Variants in CDC16 observed in about 807,000 individuals in gnomAD.
CDC16 encodes the protein cell division cycle protein 16 homolog.
Under a neutral mutation model 87.0 loss-of-function variants are expected in CDC16, and 34 were observed. The observed-to-expected ratio is 0.39, with a 90% CI of 0.30 to 0.52. CDC16 has a LOEUF of 0.52. Ranked by LOEUF, CDC16 falls within the 20% of genes least tolerant of loss-of-function variation. The probability of loss-of-function intolerance (pLI) is 0.74; values close to 1 mark genes in which losing one functional copy is unlikely to be tolerated. For synonymous variants in CDC16, 263 were observed against 260.6 expected, an observed-to-expected ratio of 1.01 and a Z score of -0.09; for missense variants, 653 against 751.9, an observed-to-expected ratio of 0.87 and a Z score of 1.54.
intron 12 of CDC16, among the ~76,000 whole-genome samples, chr13:114,256,439 A>G (rs1325231527): frequency 1.3e-5 from 2 of 152,220 alleles, no homozygotes; most frequent in African/African-American, 2.4e-5. Flanking sequence ...ATGTTCTGAG[A>G]TCATCATCAA....
At position 114,236,811 on chromosome 13, in the gene CDC16, AC is replaced by A; in HGVS notation, c.117del (p.Asp39GlufsTer11). 2.5e-6 allele frequency: 4 copies of A among 1,613,566 alleles called. No homozygotes were observed. Among genetic ancestry groups the A allele is most frequent in the Non-Finnish European group, 3.4e-6 (4 of 1,179,594 alleles). ...TTTTTCCCTCCAGAAGAACCCCAGG[AC>A]ATCTATTGGTTGGCTCAGTGTCTTT... ...VASLSREEPQ[D>X]IYWLAQCLYL... On this transcript the variant is annotated frameshift_variant, in exon 3 of 18. Transcript: ENST00000356221. LOFTEE classifies it high-confidence loss of function.
chr13:114,259,184 T>C (rs1566672619), intron 13 of CDC16, 151 bp from the exon 14 acceptor site: 4 of 500,746 alleles, frequency 8.0e-6, no homozygotes, highest in Non-Finnish European at 1.4e-5. Context: ...GTAAAATTAA[T>C]CATTTGTGAC....
chr13:114,253,168 C>T (rs1038816023), intron 12 of CDC16, among the ~76,000 whole-genome samples: 1 of 152,146 alleles, frequency 6.6e-6, no homozygotes, highest in Non-Finnish European at 1.5e-5. Flanking sequence ...GTCAGAGCAG[C>T]TCTGCATTTT....
intron 12 of CDC16, among the ~76,000 whole-genome samples, chr13:114,254,583 C>T (rs1464883879): frequency 6.6e-6 from 1 of 152,146 alleles, no homozygotes; most frequent in Admixed American, 6.5e-5. Context: ...CAGCACAGAT[C>T]TGTTATTATT....
intron 12 of CDC16, among the ~76,000 whole-genome samples, chr13:114,256,472 T>C (rs1192417493): frequency 6.6e-6 from 1 of 152,210 alleles, no homozygotes; most frequent in African/African-American, 2.4e-5. Flanking sequence ...TTATTACACT[T>C]GCTTTAATGC....
Position 114,247,212 on chromosome 13 carries a change from C to T in CDC16, c.971+208C>T, listed in dbSNP as rs112188662. The T allele has an allele frequency of 2.4e-3, 1,366 of 559,120 alleles. 4 individuals carry two copies. Among genetic ancestry groups the T allele is most frequent in the Non-Finnish European group, 2.7e-3 (843 of 315,336 alleles). 34.6% of individuals were successfully genotyped at this position (559,120 alleles called of 1,614,324 possible). A position where few individuals can be genotyped will look rare whatever the true frequency, so the allele number is the denominator to read the frequency against. ...CCCCTCTCTCTCGAGGGTTCTCACT[C>T]TGTTGCCCAGACTAGAGTGCAGTGG... On this transcript the variant is annotated intron_variant, in intron 11 of 17. Coordinates refer to ENST00000356221, the MANE Select transcript of CDC16 (RefSeq NM_001078645.3).
Position 114,272,481 on chromosome 13 carries a change from G to T in CDC16, c.*38G>T, listed in dbSNP as rs376751373. The T allele has an allele frequency of 1.9e-6, 3 of 1,584,770 alleles. No homozygotes were observed. The Admixed American group carries it at 5.3e-5, about 28-fold the overall frequency. On this transcript the variant is annotated 3_prime_UTR_variant, in exon 18 of 18. Transcript: ENST00000356221. The stretch of plus-strand genomic sequence containing the variant: ...GTCCTGGTCCCACTGTCCCAGTGTA[G>T]GTTAGTATTCCTTCACATCCTCTCC...
intron 2 of CDC16, 30 bp downstream of exon 2, chr13:114,236,729 G>C (rs1469063955): frequency 6.2e-7 from 1 of 1,613,064 alleles, no homozygotes; most frequent in Non-Finnish European, 8.5e-7. Context: ...CTGGTTTTCT[G>C]ATTAATCTTA....
intron 10 of CDC16, 74 bp from the exon 11 acceptor site, chr13:114,246,856 AC>A (rs2081899945): frequency 1.1e-6 from 1 of 875,738 alleles, no homozygotes; most frequent in Non-Finnish European, 2.0e-6. Flanking sequence ...CCCTCTGTCT[AC>A]CCTAATTTGT....
Position 114,242,300 on chromosome 13 carries a change from T to G in CDC16, c.541+20T>G, listed in dbSNP as rs1368143105. 6.3e-7 allele frequency: 1 copy of G among 1,595,078 alleles called. No individual in the cohort carries two copies. Among genetic ancestry groups the G allele is most frequent in the East Asian group, 2.2e-5 (1 of 44,810 alleles). On this transcript the variant is annotated intron_variant, in intron 6 of 17. Transcript: ENST00000356221. Reference sequence around the variant, plus strand: ...AAGAAGGTTTGGAAACTCAGGCTTTTTTGTTTTATGTTTAGCAAAATTAAT... The same window carrying G: ...AAGAAGGTTTGGAAACTCAGGCTTTGTTGTTTTATGTTTAGCAAAATTAAT...
intron 3 of CDC16, among the ~76,000 whole-genome samples, chr13:114,238,515 TCTC>T (rs576242617): frequency 6.5e-4 from 85 of 130,216 alleles, no homozygotes; most frequent in African/African-American, 2.4e-3. Context: ...GCTGCTGCGA[TCTC>T]CTCGGACGCC....
intron 6 of CDC16, 34 bp downstream of exon 6, chr13:114,242,314 A>C: frequency 6.3e-7 from 1 of 1,590,060 alleles, no homozygotes; most frequent in Non-Finnish European, 8.6e-7. Context: ...TTTTATGTTT[A>C]GCAAAATTAA....
At position 114,242,224 on chromosome 13, in the gene CDC16, A is replaced by G. The variant is rs1297068911; in HGVS notation, c.485A>G (p.Tyr162Cys). Residue 162 changes from tyrosine to cysteine, a missense_variant, in exon 6 of 18, where the codon TAC becomes TGC. Transcript: ENST00000356221. Reference protein sequence around the residue: ...SYKEALKLDVYCFEAFDLLTS... With the variant: ...SYKEALKLDVCCFEAFDLLTS... ...AAAGAAGCTTTGAAGCTTGATGTCT[A>G]CTGTTTTGAAGCGTTCGATCTTTTA... 20 of 1,614,040 alleles carry G rather than the reference A, an allele frequency of 1.2e-5. No individual in the cohort carries two copies. Among genetic ancestry groups the G allele is most frequent in the East Asian group, 4.5e-5 (2 of 44,894 alleles).
At chr13:114,239,518 T>C in intron 5 of CDC16, 28 bp downstream of exon 5, 5 of 1,508,658 alleles carry the variant, frequency 3.3e-6, no homozygotes, top group Non-Finnish European at 4.5e-6. Context: ...CACAGCTCAG[T>C]AACGGCGGCG....
At chr13:114,246,076 T>G (rs1391307740) in intron 10 of CDC16, 27 bp downstream of exon 10, 4 of 430,924 alleles carry the variant, frequency 9.3e-6, no homozygotes, top group Admixed American at 5.2e-5. Flanking sequence ...TTAGTCTTAG[T>G]TTTTTTTTTT....
rs200355012 is a variant in CDC16, at chr13:114,269,714, A to AT, written c.1604-2464dup. On this transcript the variant is annotated intron_variant, in intron 17 of 17. Coordinates refer to ENST00000356221, the MANE Select transcript of CDC16 (RefSeq NM_001078645.3). Reference sequence around the variant, plus strand: ...TTCACAGATTTTTTTATTTTTTATTATTTTTTCTGAGATGGAGTTTCACTC... The same window carrying AT: ...TTCACAGATTTTTTTATTTTTTATTATTTTTTTCTGAGATGGAGTTTCACTC... Among the ~76,000 whole-genome samples, 84 of 151,996 alleles carry AT rather than the reference A, an allele frequency of 5.5e-4. 1 individual carries two copies. In the East Asian group the frequency reaches 0.014, roughly 26 times the overall value.
chr13:114,239,977 A>G (rs1218754526), intron 5 of CDC16, among the ~76,000 whole-genome samples: 1 of 151,952 alleles, frequency 6.6e-6, no homozygotes, highest in Non-Finnish European at 1.5e-5. Context: ...ATAGTAACTT[A>G]TTAAGTGACA....
intron 5 of CDC16, among the ~76,000 whole-genome samples, chr13:114,241,052 C>T (rs141965098): frequency 9.9e-5 from 15 of 152,114 alleles, no homozygotes; most frequent in African/African-American, 3.6e-4. Flanking sequence ...ATACTAGCTG[C>T]CTGTTGCTGG....
intron 10 of CDC16, among the ~76,000 whole-genome samples, chr13:114,246,558 AC>A (rs919014222): frequency 6.6e-6 from 1 of 152,328 alleles, no homozygotes; most frequent in African/African-American, 2.4e-5. Flanking sequence ...AAGAATTTGC[AC>A]CCTATCCCAG....
Sources: gnomAD v4.1 joint callset for allele counts (sites outside exome capture counted in the v4.1 genomes callset) on GRCh38, gnomAD v4.1.1 for gene constraint, MANE v1.5 for transcripts, NCBI Gene and HGNC (gene_info 2026-07-23, HGNC 2026-07-21) for gene names.